FDXR: variants seen among roughly 807,000 people sequenced by gnomAD.
The protein encoded by FDXR is ferredoxin reductase.
Under a neutral mutation model 58.3 loss-of-function variants are expected in FDXR, and 38 were observed. The observed-to-expected ratio is 0.65, with a 90% CI of 0.50 to 0.85. FDXR has a LOEUF of 0.85. Among genes scored for constraint, FDXR ranks in the 40% least tolerant of loss-of-function variants. The pLI is 0.00. For synonymous variants in FDXR, 275 were observed against 273.8 expected, an observed-to-expected ratio of 1.00 and a Z score of -0.04; for missense variants, 624 against 671.0, an observed-to-expected ratio of 0.93 and a Z score of 0.77.
At chr17:74,872,659 G>T in intron 1 of FDXR, 1 of 1,137,418 alleles carries the variant, frequency 8.8e-7, no homozygotes, top group Non-Finnish European at 1.2e-6. Context: ...TTTCACCTTT[G>T]TTGACCTCCG....
intron 2 of FDXR, 28 bp from the exon 3 acceptor site, chr17:74,866,904 G>T: frequency 1.2e-6 from 2 of 1,608,430 alleles, no homozygotes; most frequent in Non-Finnish European, 8.5e-7. Context: ...GGCAGCTGGT[G>T]GGGCCGAGAG....
rs755746794 is a variant in FDXR, at chr17:74,864,171, G to T, written c.979C>A (p.Arg327Ser). ...SPDGRRAAGVRLAVTRLEGVD... is the reference protein window; with the variant it reads ...SPDGRRAAGVSLAVTRLEGVD... The stretch of plus-strand genomic sequence containing the variant: ...ACCTCCAGTCTAGTGACTGCTAGGC[G>T]GACACCTGCTGCCCGCCGCCCATCT... The change falls in exon 9 of 12, where the codon CGC becomes AGC. Residue 327 changes from arginine (R) to serine (S), a missense_variant. Physicochemically the swap from Arg to Ser is moderately radical, Grantham distance 110. Coordinates refer to ENST00000293195, the MANE Select transcript of FDXR (RefSeq NM_024417.5). The T allele has an allele frequency of 9.9e-6, 16 of 1,612,730 alleles. No homozygotes were observed. Among genetic ancestry groups the T allele is most frequent in the Non-Finnish European group, 1.4e-5 (16 of 1,179,980 alleles).
At position 74,862,869 on chromosome 17, in the gene FDXR, G is replaced by T; in HGVS notation, c.1424C>A (p.Pro475His). The T allele has an allele frequency of 6.2e-7, 1 of 1,613,162 alleles. No homozygotes were observed. Residue 475 changes from proline (P) to histidine (H), a missense_variant, in exon 12 of 12, where the codon CCC (proline) becomes CAC (histidine). Transcript: ENST00000293195. ...EVARGQGTGK[P>H]REKLVDPQEM... ...CTGAGGATCCACCAGCTTCTCCCTG[G>T]GCTTCCCCGTGCCCTGGCCCCGGGC...
chr17:74,871,458 G>A (rs35558806), intron 2 of FDXR, among the ~76,000 whole-genome samples: 2,703 of 152,326 alleles, frequency 0.018, 80 homozygotes, highest in African/African-American at 0.061. Context: ...CCCAAAGTCT[G>A]ATGTGGAGTC....
chr17:74,863,079 G>A lies in FDXR; in HGVS notation c.1342C>T (p.Arg448Ter), dbSNP rs574817378. ...ACCTCAGCATCGGGGCCCAGACCTC[G>A]GCTGCTGAGCAGGGCCTGGATGGCT... is the stretch of plus-strand genomic sequence containing the variant. ...YAAIQALLSS[R>*]GVRPVSFSDW... is the part of the protein sequence containing the mutation. The change falls in exon 11 of 12, where the codon CGA (arginine) becomes TGA (stop). Residue 448 changes from arginine (R) to a stop codon, truncating the protein, a stop_gained. Coordinates refer to ENST00000293195, the MANE Select transcript of FDXR (RefSeq NM_024417.5). LOFTEE classifies it high-confidence loss of function. 9 of 1,611,052 alleles carry A rather than the reference G, an allele frequency of 5.6e-6. No homozygotes were observed. Among genetic ancestry groups the A allele is most frequent in the Middle Eastern group, 1.7e-4 (1 of 6,054 alleles).
In FDXR at chr17:74,871,261, G is replaced by A. The variant is rs181130376; in HGVS notation, c.177+775C>T. Among the ~76,000 whole-genome samples, 160 of 152,342 alleles carry A rather than the reference G, an allele frequency of 1.1e-3. 1 individual carries two copies. Among genetic ancestry groups the A allele is most frequent in the Non-Finnish European group, 1.9e-4 (13 of 68,028 alleles). On this transcript the variant is annotated intron_variant, in intron 2 of 11. Transcript: ENST00000293195. ...CAGTTTCCCAAGAACTTCCAGCTTA[G>A]CGCTGAAGCCCCTTGTCCTGGGCAG...
Position 74,871,829 on chromosome 17 carries a change from C to T in FDXR, c.177+207G>A, listed in dbSNP as rs190487041. ...CCACTGACCACTCACCACCAATGTG[C>T]GTTTTACACCCCTGTCACACTGAGG... On this transcript the variant is annotated intron_variant, in intron 2 of 11. Coordinates refer to ENST00000293195, the MANE Select transcript of FDXR (RefSeq NM_024417.5). Among the ~76,000 whole-genome samples, 8 of 152,214 alleles carry T rather than the reference C, an allele frequency of 5.3e-5. No homozygotes were observed. The South Asian group carries it at 8.3e-4, about 16-fold the overall frequency.
At chr17:74,868,924 C>G (rs1173149205) in intron 2 of FDXR, among the ~76,000 whole-genome samples, 1 of 152,154 alleles carries the variant, frequency 6.6e-6, no homozygotes, top group Non-Finnish European at 1.5e-5. Context: ...CCAGACATCT[C>G]AAATCCATCC....
chr17:74,872,832 C>A (rs1381857780), intron 1 of FDXR, 34 bp downstream of exon 1: 4 of 1,544,018 alleles, frequency 2.6e-6, no homozygotes, highest in Non-Finnish European at 3.5e-6. Context: ...CCTCCCCGCG[C>A]TCCCATCCAG....
chr17:74,866,219 G>C lies in FDXR; in HGVS notation c.419C>G (p.Ala140Gly). The change falls in exon 5 of 12, where the codon GCC (alanine) becomes GGC (glycine). Residue 140 changes from alanine (A) to glycine (G), a missense_variant. Transcript: ENST00000293195. ...CAGCTCCTCACCAGGAATTTCCAGG[G>C]CCCGATGGTCCTCTGCCCCGTAGCT... ...VLSYGAEDHR[A>G]LEIPGEELPG... is the part of the protein sequence containing the mutation. 1 of 1,613,906 alleles carries C rather than the reference G, an allele frequency of 6.2e-7. No individual in the cohort carries two copies. Among genetic ancestry groups the C allele is most frequent in the East Asian group, 2.2e-5 (1 of 44,886 alleles).
intron 10 of FDXR, 44 bp downstream of exon 10, chr17:74,863,852 C>T: frequency 6.3e-7 from 1 of 1,579,670 alleles, no homozygotes; most frequent in South Asian, 1.2e-5. Context: ...AGCTTCTCGG[C>T]CTCTCACCAT....
At position 74,864,855 on chromosome 17, in the gene FDXR, C is replaced by T. The variant is rs1037312154; in HGVS notation, c.686G>A (p.Arg229His). 10 of 1,613,968 alleles carry T rather than the reference C, an allele frequency of 6.2e-6. No homozygotes were observed. Among genetic ancestry groups the T allele is most frequent in the African/African-American group, 5.3e-5 (4 of 74,908 alleles). Residue 229 changes from arginine to histidine, a missense_variant, in exon 7 of 12, where the codon CGT (arginine) becomes CAT (histidine). Transcript: ENST00000293195. The part of the protein sequence containing the change: ...RVKTVWLVGR[R>H]GPLQVAFTIK... The stretch of plus-strand genomic sequence containing the variant: ...GGTGAAGGCCACTTGCAGGGGTCCA[C>T]GCCGGCCCACTAGCCACACTGTCTT...
rs777766869 is a variant in FDXR, at chr17:74,863,275, AGGGAGGT to A, written c.1175-36_1175-30del. The A allele has an allele frequency of 2.1e-5, 34 of 1,599,068 alleles. No homozygotes were observed. In the South Asian group the frequency reaches 3.4e-4, roughly 16 times the overall value. ...AGAGGGGGTAACAAAAGGGGAAGGGAGGGAGGTGGCTGGATACCACCCTGGCCATCCT... is the reference window on the plus strand; with the variant it reads ...AGAGGGGGTAACAAAAGGGGAAGGGAGGCTGGATACCACCCTGGCCATCCT... On this transcript the variant is annotated intron_variant, in intron 10 of 11. Coordinates refer to ENST00000293195, the MANE Select transcript of FDXR (RefSeq NM_024417.5).
rs751000330 is a variant in FDXR at position 74,865,791 on chromosome 17, G to A, written c.537C>T (p.Ala179=). The A allele has an allele frequency of 5.1e-5, 82 of 1,613,500 alleles. No homozygotes were observed. The East Asian group carries it at 8.9e-4, about 18-fold the overall frequency. ...CCACGTTCCCCTGCCCCAGAATCAC[G>A]GCTGTGTCACAGCTCAGGTCTGGCT... is the stretch of plus-strand genomic sequence containing the variant. ...ELEPDLSCDT[A]VILGQGNVAL... The change falls in exon 6 of 12, where the codon GCC becomes GCT. Residue 179 remains alanine, a synonymous_variant. Transcript: ENST00000293195.
rs935702727 is a variant in FDXR at position 74,865,716 on chromosome 17, C to T, written c.609+3G>A. On this transcript the variant is annotated splice_donor_region_variant and intron_variant, in intron 6 of 11. Transcript: ENST00000293195. ...ACCCCGCCAGCCCTGACCTACCACT[C>T]ACCTCCAGGTGCTCAGGTGGGGTCA... is the stretch of plus-strand genomic sequence containing the variant. 1.2e-6 allele frequency: 2 copies of T among 1,605,830 alleles called. No individual in the cohort carries two copies. Among genetic ancestry groups the T allele is most frequent in the African/African-American group, 2.7e-5 (2 of 74,936 alleles).
Position 74,866,803 on chromosome 17 carries a change from G to A in FDXR, c.251C>T (p.Pro84Leu). ...ACCCACCTTCACCTCGGGGTGATCA[G>A]GCGCCACACCAAAGCGCACCAGGCC... ...PFGLVRFGVAPDHPEVKNVIN... is the reference protein window; with the variant it reads ...PFGLVRFGVALDHPEVKNVIN... The change falls in exon 3 of 12, where the codon CCT (proline) becomes CTT (leucine). Residue 84 changes from proline to leucine, a missense_variant. Physicochemically the swap from Pro to Leu is moderately conservative, Grantham distance 98. Transcript: ENST00000293195. 6.2e-7 allele frequency: 1 copy of A among 1,614,200 alleles called. No individual in the cohort carries two copies. Among genetic ancestry groups the A allele is most frequent in the Non-Finnish European group, 8.5e-7 (1 of 1,180,044 alleles).
intron 7 of FDXR, 106 bp from the exon 8 acceptor site, chr17:74,864,670 C>T: frequency 7.1e-7 from 1 of 1,410,846 alleles, no homozygotes; most frequent in Non-Finnish European, 9.8e-7. Flanking sequence ...CCACCCGCCT[C>T]CTCCCCAAAG....
chr17:74,871,750 G>T (rs34933385), intron 2 of FDXR, among the ~76,000 whole-genome samples: 1 of 152,294 alleles, frequency 6.6e-6, no homozygotes, highest in East Asian at 1.9e-4. Context: ...TCATTTTGCA[G>T]GTCTACATAA....
Position 74,866,131 on chromosome 17 carries a change from C to G in FDXR, c.507G>C (p.Glu169Asp), listed in dbSNP as rs1283906858. The change falls in exon 5 of 12, where the codon GAG becomes GAC. Residue 169 changes from glutamate to aspartate, a missense_variant and splice_region_variant. Coordinates refer to ENST00000293195, the MANE Select transcript of FDXR (RefSeq NM_024417.5). ...CAGCGGGCGTGCTCCCCATACTCAC[C>G]TCCTGGTTCTCAGGAAGCCCGTTGT... ...GWYNGLPENQ[E>D]LEPDLSCDTA... 2 of 1,608,320 alleles carry G rather than the reference C, an allele frequency of 1.2e-6. No homozygotes were observed. The highest frequency in any genetic ancestry group is 1.7e-6 in the Non-Finnish European group (2 of 1,175,502).
Sources: gnomAD v4.1 joint callset for allele counts (sites outside exome capture counted in the v4.1 genomes callset) on GRCh38, gnomAD v4.1.1 for gene constraint, MANE v1.5 for transcripts, NCBI Gene and HGNC (gene_info 2026-07-23, HGNC 2026-07-21) for gene names.